The following CDK10 variants were observed in gnomAD, a reference collection of about 807,000 sequenced individuals.
The protein encoded by CDK10 is cyclin dependent kinase 10, also known as cyclin-dependent kinase 10.
Under a neutral mutation model 51.0 loss-of-function variants are expected in CDK10, and 55 were observed. That is an observed-to-expected ratio of 1.08 (90% CI 0.87 to 1.35). The LOEUF (loss-of-function observed/expected upper bound fraction) is 1.35, where lower values mean the gene tolerates loss of function less well. Ranked by LOEUF, CDK10 falls within the 40% of genes most tolerant of loss-of-function variation. The pLI, the probability that CDK10 is intolerant of heterozygous loss-of-function variation, is 0.00. For synonymous variants in CDK10, 255 were observed against 199.1 expected, an observed-to-expected ratio of 1.28 and a Z score of -2.36; for missense variants, 589 against 485.1, an observed-to-expected ratio of 1.21 and a Z score of -2.01.
intron 5 of CDK10, 128 bp from the exon 6 acceptor site, chr16:89,692,320 GC>G: frequency 3.0e-6 from 2 of 668,686 alleles, no homozygotes; most frequent in Non-Finnish European, 5.0e-6. Flanking sequence ...GGGGCCGAGA[GC>G]CTTCTGAGGG....
chr16:89,695,849 G>T lies in CDK10; in HGVS notation c.*157G>T. 6.7e-7 allele frequency: 1 copy of T among 1,501,678 alleles called. No individual in the cohort carries two copies. Among genetic ancestry groups the T allele is most frequent in the Non-Finnish European group, 9.0e-7 (1 of 1,114,122 alleles). 93.0% of individuals were successfully genotyped at this position (1,501,678 alleles called of 1,614,324 possible). On this transcript the variant is annotated 3_prime_UTR_variant, in exon 13 of 13. Coordinates refer to ENST00000353379, the MANE Select transcript of CDK10 (RefSeq NM_052988.5). ...CTGACTTCCTCCCACTGTCTGCCCT[G>T]AACCCACTGCTGCCCCCAGAAAAAG... is the stretch of plus-strand genomic sequence containing the variant.
chr16:89,693,981 C>T, intron 8 of CDK10, 192 bp from the exon 9 acceptor site: 1 of 633,572 alleles, frequency 1.6e-6, no homozygotes, highest in Non-Finnish European at 2.8e-6. Flanking sequence ...GACACCGCTG[C>T]ACGTGACAGC....
Position 89,689,256 on chromosome 16 carries a change from G to C in CDK10, c.92G>C (p.Gly31Ala). 6.2e-7 allele frequency: 1 copy of C among 1,614,108 alleles called. No homozygotes were observed. The highest frequency in any genetic ancestry group is 8.5e-7 in the Non-Finnish European group (1 of 1,179,984). Residue 31 changes from glycine (G) to alanine (A), a missense_variant, in exon 2 of 13, where the codon GGA (glycine) becomes GCA (alanine). Coordinates refer to ENST00000353379, the MANE Select transcript of CDK10 (RefSeq NM_052988.5). ...FFTVPPEHRL[G>A]RCRSVKEFEK... The stretch of plus-strand genomic sequence containing the variant: ...GGCAACACCCTTCTGTTTCAGCTGG[G>C]ACGATGCCGGAGTGTGAAGGAGTTT...
chr16:89,686,888 C>T (rs996969130), intron 1 of CDK10, 91 bp downstream of exon 1: 4 of 1,120,618 alleles, frequency 3.6e-6, no homozygotes, highest in Non-Finnish European at 3.8e-6. Context: ...GCTGCCGCGC[C>T]GAGGCTTCCG....
Position 89,692,585 on chromosome 16 carries a change from G to A in CDK10, c.485+69G>A, listed in dbSNP as rs1451849596. The A allele has an allele frequency of 9.9e-6, 12 of 1,213,514 alleles. No homozygotes were observed. The East Asian group carries it at 2.7e-4, about 27-fold the overall frequency. 75.2% of individuals were successfully genotyped at this position (1,213,514 alleles called of 1,614,324 possible). Reference sequence around the variant, plus strand: ...GGCCTAACTCTGCTGCCCCTGTGGAGTTACTAAAAGCTCAGGGGTTCCCAG... The same window carrying A: ...GGCCTAACTCTGCTGCCCCTGTGGAATTACTAAAAGCTCAGGGGTTCCCAG... On this transcript the variant is annotated intron_variant, in intron 6 of 12. Transcript: ENST00000353379.
In CDK10 at chr16:89,694,708, C is replaced by T. The variant is rs755481331; in HGVS notation, c.712C>T (p.Leu238Phe). ...GGCCGAGCTGCTGGCGCACAGGCCT[C>T]TTCTCCCCGGCACTTCCGAGATCCA... ...ILAELLAHRP[L>F]LPGTSEIHQI... Residue 238 changes from leucine (L) to phenylalanine (F), a missense_variant, in exon 10 of 13, where the codon CTT (leucine) becomes TTT (phenylalanine). Physicochemically the swap from Leu to Phe is conservative, Grantham distance 22 (BLOSUM62 0). Transcript: ENST00000353379. The T allele has an allele frequency of 1.9e-6, 3 of 1,586,068 alleles. No homozygotes were observed. Among genetic ancestry groups the T allele is most frequent in the Non-Finnish European group, 1.7e-6 (2 of 1,166,932 alleles).
intron 12 of CDK10, 27 bp downstream of exon 12, chr16:89,695,372 T>C (rs1203140917): frequency 1.2e-6 from 2 of 1,605,624 alleles, no homozygotes; most frequent in Non-Finnish European, 1.7e-6. Context: ...CCTGACTCGC[T>C]CTGTGGGGTA....
intron 6 of CDK10, 29 bp from the exon 7 acceptor site, chr16:89,693,245 A>C: frequency 6.2e-7 from 1 of 1,612,526 alleles, no homozygotes. Flanking sequence ...GCCCTCTGGG[A>C]GCCACCTGCC....
Position 89,694,178 on chromosome 16 carries a change from G to A in CDK10, c.614G>A (p.Arg205Gln), listed in dbSNP as rs1391347309. Reference sequence around the variant, plus strand: ...GTGGGTGCTTCTGTGTGTAGGTACCGAGCCCCTGAACTGCTGTTGGGAACC... The same window carrying A: ...GTGGGTGCTTCTGTGTGTAGGTACCAAGCCCCTGAACTGCTGTTGGGAACC... ...MTPKVVTLWY[R>Q]APELLLGTTT... Residue 205 changes from arginine (R) to glutamine (Q), a missense_variant, in exon 9 of 13, where the codon CGA becomes CAA. Transcript: ENST00000353379. 10 of 1,614,034 alleles carry A rather than the reference G, an allele frequency of 6.2e-6. No homozygotes were observed. The highest frequency in any genetic ancestry group is 4.5e-5 in the East Asian group (2 of 44,874).
At chr16:89,692,831 G>GA (rs977914649) in intron 6 of CDK10, 1,000 of 207,340 alleles carry the variant, frequency 4.8e-3, no homozygotes, top group South Asian at 0.011. Context: ...AAGAGTTAAT[G>GA]AAAAAAAAAA....
intron 1 of CDK10, chr16:89,687,596 C>T (rs1239457133): frequency 2.2e-6 from 1 of 446,598 alleles, no homozygotes; most frequent in Admixed American, 2.4e-5. Context: ...CAGGGTCTAG[C>T]GCTCTCGCCC....
At chr16:89,689,196 C>G in intron 1 of CDK10, 56 bp from the exon 2 acceptor site, 1 of 1,512,020 alleles carries the variant, frequency 6.6e-7, no homozygotes, top group Non-Finnish European at 9.2e-7. Flanking sequence ...TTGAAATTTC[C>G]TCAGTTGTTC....
Position 89,692,474 on chromosome 16 carries a change from T to C in CDK10, c.443T>C (p.Leu148Pro), listed in dbSNP as rs1302349792. 8.8e-6 allele frequency: 14 copies of C among 1,596,878 alleles called. No individual in the cohort carries two copies. The highest frequency in any genetic ancestry group is 1.2e-5 in the Non-Finnish European group (14 of 1,171,522). ...AQVKCIVLQVLRGLQYLHRNF... is the reference protein window; with the variant it reads ...AQVKCIVLQVPRGLQYLHRNF... ...GTCAAGTGCATCGTGCTGCAGGTGCTCCGGGGCCTCCAGTATCTGCACAGG... is the reference window on the plus strand; with the variant it reads ...GTCAAGTGCATCGTGCTGCAGGTGCCCCGGGGCCTCCAGTATCTGCACAGG... Residue 148 changes from leucine to proline, a missense_variant, in exon 6 of 13, where the codon CTC (leucine) becomes CCC (proline). Transcript: ENST00000353379.
chr16:89,695,350 G>A lies in CDK10; in HGVS notation c.985+5G>A. The A allele has an allele frequency of 1.2e-6, 2 of 1,611,772 alleles. No individual in the cohort carries two copies. The highest frequency in any genetic ancestry group is 1.7e-6 in the Non-Finnish European group (2 of 1,178,408). ...ATTTCAAGGAGAAGCCCCTACGTGAGTGTGCAGGGTTCCTGACTCGCTCTG... is the reference window on the plus strand; with the variant it reads ...ATTTCAAGGAGAAGCCCCTACGTGAATGTGCAGGGTTCCTGACTCGCTCTG... On this transcript the variant is annotated splice_donor_5th_base_variant and intron_variant, in intron 12 of 12. Coordinates refer to ENST00000353379, the MANE Select transcript of CDK10 (RefSeq NM_052988.5).
At position 89,694,750 on chromosome 16, in the gene CDK10, G is replaced by A. The variant is rs148725262; in HGVS notation, c.754G>A (p.Val252Met). 1.7e-5 allele frequency: 26 copies of A among 1,571,944 alleles called. No homozygotes were observed. The highest frequency in any genetic ancestry group is 4.7e-5 in the South Asian group (4 of 85,806). ...CGAGATCCACCAGATCGACTTGATCGTGCAGCTGCTGGGCACGCCCAGTGA... is the reference window on the plus strand; with the variant it reads ...CGAGATCCACCAGATCGACTTGATCATGCAGCTGCTGGGCACGCCCAGTGA... ...TSEIHQIDLI[V>M]QLLGTPSENI... Residue 252 changes from valine to methionine, a missense_variant, in exon 10 of 13, where the codon GTG becomes ATG. Val to Met is a conservative substitution (Grantham distance 21). Coordinates refer to ENST00000353379, the MANE Select transcript of CDK10 (RefSeq NM_052988.5).
In CDK10 at chr16:89,695,845, C is replaced by A; in HGVS notation, c.*153C>A. On this transcript the variant is annotated 3_prime_UTR_variant, in exon 13 of 13. Coordinates refer to ENST00000353379, the MANE Select transcript of CDK10 (RefSeq NM_052988.5). ...TCCACTGACTTCCTCCCACTGTCTGCCCTGAACCCACTGCTGCCCCCAGAA... is the reference window on the plus strand; with the variant it reads ...TCCACTGACTTCCTCCCACTGTCTGACCTGAACCCACTGCTGCCCCCAGAA... The A allele has an allele frequency of 6.6e-7, 1 of 1,510,126 alleles. No individual in the cohort carries two copies. Among genetic ancestry groups the A allele is most frequent in the Non-Finnish European group, 8.9e-7 (1 of 1,121,290 alleles). The allele number at this position is 1,510,126 out of a possible 1,614,324, so 93.5% of individuals were successfully genotyped here.
intron 1 of CDK10, among the ~76,000 whole-genome samples, chr16:89,688,871 C>G (rs1003096508): frequency 6.6e-6 from 1 of 152,152 alleles, no homozygotes; most frequent in East Asian, 1.9e-4. Flanking sequence ...GAGGCCAAGG[C>G]GGGCAGATCA....
intron 7 of CDK10, 23 bp downstream of exon 7, chr16:89,693,349 C>T: frequency 6.2e-7 from 1 of 1,614,080 alleles, no homozygotes; most frequent in Non-Finnish European, 8.5e-7. Flanking sequence ...TGGGCCAGGC[C>T]CTGTCCCTAG....
In CDK10 at chr16:89,691,792, T is replaced by C. The variant is rs1445480026; in HGVS notation, c.336-14T>C. On this transcript the variant is annotated splice_polypyrimidine_tract_variant and intron_variant, in intron 4 of 12. Coordinates refer to ENST00000353379, the MANE Select transcript of CDK10 (RefSeq NM_052988.5). ...GAAGGCCGGAGAGTGGCATGCATCTTCTGTTTCTTCCAGCATCTTCCTGGT... is the reference window on the plus strand; with the variant it reads ...GAAGGCCGGAGAGTGGCATGCATCTCCTGTTTCTTCCAGCATCTTCCTGGT... 6.2e-7 allele frequency: 1 copy of C among 1,613,032 alleles called. No homozygotes were observed. The highest frequency in any genetic ancestry group is 2.2e-5 in the East Asian group (1 of 44,818).
Sources: gnomAD v4.1 joint callset for allele counts (sites outside exome capture counted in the v4.1 genomes callset) on GRCh38, gnomAD v4.1.1 for gene constraint, MANE v1.5 for transcripts, NCBI Gene and HGNC (gene_info 2026-07-23, HGNC 2026-07-21) for gene names.